Variants in SFPQ observed in about 807,000 individuals in gnomAD.
SFPQ encodes the protein splicing factor proline and glutamine rich, also known as splicing factor, proline- and glutamine-rich.
Under a neutral mutation model 72.9 loss-of-function variants are expected in SFPQ, and 11 were observed. That is an observed-to-expected ratio of 0.15 (90% CI 0.09 to 0.25). The LOEUF is 0.25. SFPQ is among the 10% of genes least tolerant of loss of function. The pLI is 1.00. For missense variants in SFPQ, 847 were observed against 993.3 expected (o/e 0.85, Z 1.98); for synonymous variants, 506 against 367.3 (o/e 1.38, Z -4.32).
At chr1:35,187,904 G>GT in intron 7 of SFPQ, 69 bp downstream of exon 7, 1 of 909,634 alleles carries the variant, frequency 1.1e-6, no homozygotes, top group Non-Finnish European at 1.8e-6. Context: ...AAAATTTCCT[G>GT]TAATTCCTTC....
chr1:35,189,481 A>G lies in SFPQ; in HGVS notation c.1416-99T>C, dbSNP rs1280226615. 5.4e-5 allele frequency: 54 copies of G among 1,000,090 alleles called. No individual in the cohort carries two copies. In the East Asian group the frequency reaches 1.4e-3, roughly 26 times the overall value. 62.0% of individuals were successfully genotyped at this position (1,000,090 alleles called of 1,614,324 possible). A position where few individuals can be genotyped will look rare whatever the true frequency, so the allele number is the denominator to read the frequency against. On this transcript the variant is annotated intron_variant, in intron 4 of 9. Transcript: ENST00000357214. ...CTTTTTCCTGTTCTATTTCTTGTAA[A>G]GAGTACAAAAGGCAAAAATTTTCCT...
intron 1 of SFPQ, among the ~76,000 whole-genome samples, chr1:35,191,925 C>T (rs375085585): frequency 1.6e-4 from 24 of 152,240 alleles, no homozygotes; most frequent in Non-Finnish European, 2.9e-4. Flanking sequence ...ACGCCGCATG[C>T]TCTGCATTAC....
Position 35,183,052 on chromosome 1 carries a change from C to T in SFPQ, c.*1404G>A. On this transcript the variant is annotated 3_prime_UTR_variant, in exon 10 of 10. Transcript: ENST00000357214. The stretch of plus-strand genomic sequence containing the variant: ...ACTATGTGAAAACAAGTTAAATTTA[C>T]AATAAGAATGATTATCTGCAACCCT... 1.9e-6 allele frequency: 2 copies of T among 1,033,314 alleles called. No individual in the cohort carries two copies. The highest frequency in any genetic ancestry group is 2.3e-6 in the Non-Finnish European group (2 of 859,224). 64.0% of individuals were successfully genotyped at this position (1,033,314 alleles called of 1,614,324 possible).
rs768810316 is a variant in SFPQ at position 35,190,482 on chromosome 1, G to T, written c.1415+16C>A. On this transcript the variant is annotated intron_variant, in intron 4 of 9. Coordinates refer to ENST00000357214, the MANE Select transcript of SFPQ (RefSeq NM_005066.3). Reference sequence around the variant, plus strand: ...ACTTGATTTAAAAACTGCCAAAAAAGTTTAATCAATCTTACTTTTGATACA... The same window carrying T: ...ACTTGATTTAAAAACTGCCAAAAAATTTTAATCAATCTTACTTTTGATACA... 3.8e-6 allele frequency: 6 copies of T among 1,562,408 alleles called. No individual in the cohort carries two copies. The highest frequency in any genetic ancestry group is 1.7e-4 in the Middle Eastern group (1 of 5,932).
At chr1:35,191,254 T>C in intron 2 of SFPQ, 87 bp downstream of exon 2, 1 of 1,140,630 alleles carries the variant, frequency 8.8e-7, no homozygotes, top group South Asian at 1.3e-5. Flanking sequence ...TCCTCCCCAG[T>C]TTAAAAACCA....
In SFPQ at chr1:35,183,890, G is replaced by C. The variant is rs1165431747; in HGVS notation, c.*566C>G. On this transcript the variant is annotated 3_prime_UTR_variant, in exon 10 of 10. Coordinates refer to ENST00000357214, the MANE Select transcript of SFPQ (RefSeq NM_005066.3). ...TACATAACCATTTAAAAAATACTTA[G>C]CACCAGCGTGCTTCCTATATGCCAA... 1.9e-6 allele frequency: 2 copies of C among 1,051,906 alleles called. No individual in the cohort carries two copies. The highest frequency in any genetic ancestry group is 1.7e-5 in the African/African-American group (1 of 60,306). The allele number at this position is 1,051,906 out of a possible 1,614,324, so 65.2% of individuals were successfully genotyped here.
intron 2 of SFPQ, 66 bp from the exon 3 acceptor site, chr1:35,191,061 T>TA: frequency 7.3e-7 from 1 of 1,364,070 alleles, no homozygotes; most frequent in Admixed American, 2.0e-5. Context: ...TAAATTGTCA[T>TA]AGGCCTACTT....
downstream of SFPQ, chr1:35,182,911 G>C (rs1639530096): frequency 7.7e-6 from 8 of 1,045,678 alleles, no homozygotes; most frequent in South Asian, 3.7e-4. Flanking sequence ...CAATGAAGTT[G>C]ACAATTAACT....
intron 4 of SFPQ, among the ~76,000 whole-genome samples, 162 bp from the exon 5 acceptor site, chr1:35,189,544 G>C (rs780779487): frequency 4.2e-4 from 64 of 152,118 alleles, no homozygotes; most frequent in Non-Finnish European, 6.5e-4. Context: ...AAAATACTCA[G>C]AACACTCAGT....
rs776287573 is a variant in SFPQ, at chr1:35,192,921, A to G, written c.129T>C (p.Asn43=). Residue 43 remains asparagine (N), a synonymous_variant, in exon 1 of 10, where the codon AAT becomes AAC. Coordinates refer to ENST00000357214, the MANE Select transcript of SFPQ (RefSeq NM_005066.3). ...CCGGGCCAGGACCCATGGGGCCGCG[A>G]TTCTGATTGAGGCCCATGCCGGGCG... ...SPPPGMGLNQ[N]RGPMGPGPGQ... The G allele has an allele frequency of 7.2e-5, 112 of 1,565,120 alleles. No homozygotes were observed. Among genetic ancestry groups the G allele is most frequent in the Non-Finnish European group, 7.6e-5 (88 of 1,162,328 alleles).
intron 9 of SFPQ, among the ~76,000 whole-genome samples, chr1:35,184,842 G>C (rs1175822600): frequency 6.6e-6 from 1 of 152,242 alleles, no homozygotes; most frequent in Non-Finnish European, 1.5e-5. Flanking sequence ...CTTCCCTGTA[G>C]TGCTAAAAAA....
chr1:35,192,642 T>A lies in SFPQ; in HGVS notation c.408A>T (p.Pro136=). The change falls in exon 1 of 10, where the codon CCA becomes CCT. Residue 136 remains proline (P), a synonymous_variant. Transcript: ENST00000357214. ...PASSSAPPAT[P]PTSGAPPGSG... ...ACCCTGGCGGGGCCCCCGAGGTTGG[T>A]GGAGTGGCGGGCGGGGCCGAGCTGG... The A allele has an allele frequency of 7.2e-6, 10 of 1,382,670 alleles. No individual in the cohort carries two copies. The highest frequency in any genetic ancestry group is 9.3e-6 in the Non-Finnish European group (10 of 1,078,026). The allele number at this position is 1,382,670 out of a possible 1,614,324, so 85.7% of individuals were successfully genotyped here.
rs1244834015 is a variant in SFPQ at position 35,192,373 on chromosome 1, G to A, written c.677C>T (p.Thr226Met). ...PKPGGGPGLS[T>M]PGGHPKPPHR... Reference sequence around the variant, plus strand: ...CGGCGGCTTGGGGTGGCCGCCAGGCGTACTTAGGCCCGGGCCGCCACCTGG... The same window carrying A: ...CGGCGGCTTGGGGTGGCCGCCAGGCATACTTAGGCCCGGGCCGCCACCTGG... Residue 226 changes from threonine to methionine, a missense_variant, in exon 1 of 10, where the codon ACG (threonine) becomes ATG (methionine). By Grantham distance (81) the Thr-to-Met change is moderately conservative. Around this residue, in one of 6 missense-constraint regions of SFPQ, gnomAD observed 498 missense variants for 405.1 expected, o/e 1.23. Coordinates refer to ENST00000357214, the MANE Select transcript of SFPQ (RefSeq NM_005066.3). 5 of 1,393,180 alleles carry A rather than the reference G, an allele frequency of 3.6e-6. No individual in the cohort carries two copies. Among genetic ancestry groups the A allele is most frequent in the Admixed American group, 3.7e-5 (1 of 27,198 alleles). The allele number at this position is 1,393,180 out of a possible 1,614,324, so 86.3% of individuals were successfully genotyped here. A position where few individuals can be genotyped will look rare whatever the true frequency, so the allele number is the denominator to read the frequency against.
rs1640106307 is a variant in SFPQ at position 35,192,818 on chromosome 1, G to C, written c.232C>G (p.Pro78Ala). The C allele has an allele frequency of 6.6e-7, 1 of 1,508,654 alleles. No homozygotes were observed. Among genetic ancestry groups the C allele is most frequent in the East Asian group, 2.6e-5 (1 of 38,124 alleles). The allele number at this position is 1,508,654 out of a possible 1,614,324, so 93.5% of individuals were successfully genotyped here. The change falls in exon 1 of 10, where the codon CCG (proline) becomes GCG (alanine). Residue 78 changes from proline (P) to alanine (A), a missense_variant. This residue lies in a region of SFPQ where 498 missense variants were observed against 405.1 expected (regional missense o/e 1.23). Transcript: ENST00000357214. ...QQQQPPPQQP[P>A]PQQPPPHQPP... Reference sequence around the variant, plus strand: ...TGATGCGGTGGCGGCTGCTGCGGCGGTGGCTGCTGCGGTGGTGGCTGTTGC... The same window carrying C: ...TGATGCGGTGGCGGCTGCTGCGGCGCTGGCTGCTGCGGTGGTGGCTGTTGC...
downstream of SFPQ, chr1:35,179,477 A>G (rs951821459): frequency 1.7e-5 from 18 of 1,055,744 alleles, no homozygotes; most frequent in Non-Finnish European, 1.7e-5. Flanking sequence ...CTCATTAAAA[A>G]TAATTTTGGT....
chr1:35,186,869 T>G (rs1639744942), intron 9 of SFPQ, 132 bp downstream of exon 9: 1 of 793,006 alleles, frequency 1.3e-6, no homozygotes, highest in Non-Finnish European at 2.0e-6. Flanking sequence ...TACATATTTA[T>G]GTATGAAATT....
At chr1:35,186,707 C>G (rs1457335911) in intron 9 of SFPQ, among the ~76,000 whole-genome samples, 27 of 152,102 alleles carry the variant, frequency 1.8e-4, no homozygotes, top group Admixed American at 1.8e-3. Flanking sequence ...TTTGGATTTG[C>G]CATGCACTAG....
In SFPQ at chr1:35,183,738, TAAAGG is replaced by T. The variant is rs1639579419; in HGVS notation, c.*713_*717del. The T allele has an allele frequency of 9.5e-7, 1 of 1,049,262 alleles. No individual in the cohort carries two copies. The highest frequency in any genetic ancestry group is 1.2e-6 in the Non-Finnish European group (1 of 868,932). The allele number at this position is 1,049,262 out of a possible 1,614,324, so 65.0% of individuals were successfully genotyped here. Reference sequence around the variant, plus strand: ...TTTCCACTTTTCAAAAGCTTTCAAGTAAAGGATAGATCATAGGGCCATAAAAGATC... The same window carrying T: ...TTTCCACTTTTCAAAAGCTTTCAAGTATAGATCATAGGGCCATAAAAGATC... On this transcript the variant is annotated 3_prime_UTR_variant, in exon 10 of 10. Transcript: ENST00000357214.
rs370767761 is a variant in SFPQ, at chr1:35,187,284, C to A, written c.1816-33G>T. The A allele has an allele frequency of 6.3e-6, 10 of 1,589,820 alleles. No homozygotes were observed. The South Asian group carries it at 1.1e-4, about 18-fold the overall frequency. ...AAAAAAATTCCTTTCAATATACCTG[C>A]ACTATACCCACAGCAAGCATTCTTA... is the stretch of plus-strand genomic sequence containing the variant. On this transcript the variant is annotated intron_variant, in intron 7 of 9. Coordinates refer to ENST00000357214, the MANE Select transcript of SFPQ (RefSeq NM_005066.3).
Sources: allele counts gnomAD v4.1 joint callset (sites outside exome capture counted in the v4.1 genomes callset), GRCh38; gene constraint gnomAD v4.1.1; regional missense constraint gnomAD v4.1.1; transcripts MANE v1.5; gene names NCBI Gene and HGNC (gene_info 2026-07-23, HGNC 2026-07-21).